The following CDH13 variants were observed in gnomAD, a reference collection of about 807,000 sequenced individuals.
The protein encoded by CDH13 is cadherin-13.
CDH13 carries 24 observed loss-of-function variants against 63.8 expected under a neutral mutation model. That is an observed-to-expected ratio of 0.38 (90% CI 0.27 to 0.53). The LOEUF (loss-of-function observed/expected upper bound fraction) is 0.53. CDH13 is among the 20% of genes least tolerant of loss of function. CDH13 has a pLI of 0.85. For missense variants in CDH13, 1,049 were observed against 903.1 expected (o/e 1.16, Z -2.07); for synonymous variants, 503 against 355.3 (o/e 1.42, Z -4.67).
chr16:82,919,345 A>G (rs2042086668), intron 2 of CDH13, among the ~76,000 whole-genome samples: 1 of 152,016 alleles, frequency 6.6e-6, no homozygotes, highest in African/African-American at 2.4e-5. Flanking sequence ...TTTTTTTCTG[A>G]TCCTCTTTCT....
intron 10 of CDH13, among the ~76,000 whole-genome samples, chr16:83,691,361 C>A (rs1393120612): frequency 6.6e-6 from 1 of 152,048 alleles, no homozygotes; most frequent in African/African-American, 2.4e-5. Context: ...TCATCAACAT[C>A]CAGATGGAAT....
chr16:83,470,417 G>A (rs1296792591), intron 6 of CDH13, among the ~76,000 whole-genome samples: 1 of 152,092 alleles, frequency 6.6e-6, no homozygotes, highest in African/African-American at 2.4e-5. Context: ...AGCTCTCCTG[G>A]CCATCCCTTT....
At chr16:83,026,037 C>G (rs1256565921) in intron 2 of CDH13, among the ~76,000 whole-genome samples, 1 of 152,178 alleles carries the variant, frequency 6.6e-6, no homozygotes, top group Non-Finnish European at 1.5e-5. Flanking sequence ...CCTAAAGCAC[C>G]TACTCCTGAG....
intron 2 of CDH13, among the ~76,000 whole-genome samples, chr16:83,030,026 G>C (rs190018403): frequency 2.0e-5 from 3 of 152,238 alleles, no homozygotes; most frequent in Non-Finnish European, 4.4e-5. Context: ...TAATAGAATT[G>C]TGTACCACAT....
intron 5 of CDH13, among the ~76,000 whole-genome samples, chr16:83,252,451 C>A (rs888949081): frequency 3.3e-5 from 5 of 151,876 alleles, no homozygotes; most frequent in African/African-American, 4.8e-5. Flanking sequence ...ACCTTAAAAC[C>A]ATTATATCTT....
intron 1 of CDH13, among the ~76,000 whole-genome samples, chr16:82,650,590 G>C (rs572841216): frequency 1.3e-5 from 2 of 152,098 alleles, no homozygotes; most frequent in African/African-American, 4.8e-5. Flanking sequence ...AAAATGTCCC[G>C]CTGTTGGGAT....
intron 3 of CDH13, among the ~76,000 whole-genome samples, chr16:83,092,202 A>C (rs2033946720): frequency 6.6e-6 from 1 of 152,258 alleles, no homozygotes. Context: ...CAAAGAACTT[A>C]TCCAAAGTGA....
At chr16:83,558,966 G>C (rs2075651790) in intron 7 of CDH13, among the ~76,000 whole-genome samples, 1 of 152,108 alleles carries the variant, frequency 6.6e-6, no homozygotes, top group African/African-American at 2.4e-5. Context: ...CACCATGGAG[G>C]ACCACAGGCT....
At chr16:83,625,436 T>C (rs1388552573) in intron 8 of CDH13, among the ~76,000 whole-genome samples, 1 of 152,148 alleles carries the variant, frequency 6.6e-6, no homozygotes, top group East Asian at 1.9e-4. Flanking sequence ...AGGTCCATTT[T>C]CTTCATCCTC....
chr16:83,392,811 TAGAAAA>T (rs766487187), intron 6 of CDH13, among the ~76,000 whole-genome samples: 3 of 151,800 alleles, frequency 2.0e-5, no homozygotes, highest in Non-Finnish European at 4.4e-5. Flanking sequence ...ATGTAGGAAA[TAGAAAA>T]AGGAAAATCT....
At chr16:83,570,915 ATAT>A (rs1467615271) in intron 7 of CDH13, among the ~76,000 whole-genome samples, 11 of 125,850 alleles carry the variant, frequency 8.7e-5, no homozygotes, top group African/African-American at 2.9e-4. Context: ...ATATAAATTA[ATAT>A]TATACATTCA....
At chr16:83,501,832 C>A (rs1486361140) in intron 7 of CDH13, among the ~76,000 whole-genome samples, 1 of 152,240 alleles carries the variant, frequency 6.6e-6, no homozygotes, top group Non-Finnish European at 1.5e-5. Flanking sequence ...TTATCAGACT[C>A]ATTTCAGGGA....
chr16:83,266,454 A>T (rs1020381212), intron 5 of CDH13, among the ~76,000 whole-genome samples: 1 of 152,204 alleles, frequency 6.6e-6, no homozygotes. Flanking sequence ...ACTTAATGGC[A>T]GTTACTTATT....
At chr16:82,948,087 C>G (rs1904926944) in intron 2 of CDH13, among the ~76,000 whole-genome samples, 1 of 152,116 alleles carries the variant, frequency 6.6e-6, no homozygotes, top group South Asian at 2.1e-4. Flanking sequence ...AAGATATTGT[C>G]ATACAATGCT....
rs1316946858 is a variant in CDH13 at position 83,798,089 on chromosome 16, G to A, written c.*3059G>A. On this transcript the variant is annotated 3_prime_UTR_variant, in exon 14 of 14. Coordinates refer to ENST00000567109, the MANE Select transcript of CDH13 (RefSeq NM_001257.5). Reference sequence around the variant, plus strand: ...ATCAAATAAGACTTTGGCTCTTAAAGAACATCGTTAGAAATTTTGATAGCT... The same window carrying A: ...ATCAAATAAGACTTTGGCTCTTAAAAAACATCGTTAGAAATTTTGATAGCT... The A allele has an allele frequency of 6.6e-6, 1 of 152,140 alleles. No homozygotes were observed. Among genetic ancestry groups the A allele is most frequent in the Non-Finnish European group, 1.5e-5 (1 of 68,028 alleles). 9.4% of individuals were successfully genotyped at this position (152,140 alleles called of 1,614,324 possible).
intron 2 of CDH13, among the ~76,000 whole-genome samples, chr16:82,912,036 G>T (rs948113022): frequency 6.6e-6 from 1 of 151,944 alleles, no homozygotes; most frequent in African/African-American, 2.4e-5. Flanking sequence ...CAGAGCCCCA[G>T]CTCCCACGGC....
chr16:82,694,075 C>T (rs2029961796), intron 1 of CDH13, among the ~76,000 whole-genome samples: 1 of 152,184 alleles, frequency 6.6e-6, no homozygotes, highest in Non-Finnish European at 1.5e-5. Flanking sequence ...ACACTATGAT[C>T]ATAAAAAATT....
At chr16:83,268,917 C>T (rs2088707258) in intron 5 of CDH13, among the ~76,000 whole-genome samples, 1 of 43,144 alleles carries the variant, frequency 2.3e-5, no homozygotes, top group African/African-American at 7.8e-5. Context: ...AAGGTAAACT[C>T]TGCCACAAGC....
chr16:82,786,484 TTTC>T (rs1489049472), intron 1 of CDH13, among the ~76,000 whole-genome samples: 7 of 139,174 alleles, frequency 5.0e-5, no homozygotes, highest in Admixed American at 3.8e-4. Flanking sequence ...CTTTTTGGTT[TTTC>T]TTCTTCTTTT....
Sources: allele counts gnomAD v4.1 joint callset (sites outside exome capture counted in the v4.1 genomes callset), GRCh38; gene constraint gnomAD v4.1.1; transcripts MANE v1.5; gene names NCBI Gene and HGNC (gene_info 2026-07-23, HGNC 2026-07-21).